The following TAF15 variants were observed in gnomAD, a reference collection of about 807,000 sequenced individuals.
TAF15 encodes the protein TATA-box binding protein associated factor 15.
In TAF15, 37 loss-of-function variants were observed where a neutral mutation model predicts 102.5. That is an observed-to-expected ratio of 0.36 (90% confidence interval 0.28 to 0.47). The LOEUF (loss-of-function observed/expected upper bound fraction) is 0.47, where lower values mean the gene tolerates loss of function less well. Among genes scored for constraint, TAF15 ranks in the 20% least tolerant of loss-of-function variants. TAF15 has a pLI of 0.99. For synonymous variants in TAF15, 273 were observed against 259.2 expected (o/e 1.05, Z -0.51); for missense variants, 652 against 760.7 (o/e 0.86, Z 1.68).
At chr17:35,834,051 G>C (rs1249766602) in intron 8 of TAF15, 110 bp downstream of exon 8, 1 of 1,009,052 alleles carries the variant, frequency 9.9e-7, no homozygotes, top group Non-Finnish European at 1.5e-6. Context: ...GTTGAGGCTG[G>C]TGTGTGTTGT....
chr17:35,824,184 T>C lies in TAF15; in HGVS notation c.591T>C (p.Pro197=), dbSNP rs759419834. 2.1e-5 allele frequency: 34 copies of C among 1,613,058 alleles called. No individual in the cohort carries two copies. The highest frequency in any genetic ancestry group is 2.9e-5 in the Non-Finnish European group (34 of 1,179,944). ...RGGYDKDGRG[P]MTGSSGGDRG... ...GATATGACAAGGATGGAAGAGGTCC[T>C]ATGACAGGATCAAGGTAAGTATGTA... The change falls in exon 7 of 16, where the codon CCT becomes CCC. Residue 197 remains proline, a synonymous_variant. Transcript: ENST00000605844.
intron 1 of TAF15, among the ~76,000 whole-genome samples, chr17:35,814,895 A>T (rs2087177381): frequency 6.6e-6 from 1 of 152,036 alleles, no homozygotes; most frequent in Non-Finnish European, 1.5e-5. Context: ...TATATATATA[A>T]AACCTAAATG....
Position 35,812,949 on chromosome 17 carries a change from G to A in TAF15, c.7+3373G>A, listed in dbSNP as rs1468276292. On this transcript the variant is annotated intron_variant, in intron 1 of 15. Coordinates refer to ENST00000605844, the MANE Select transcript of TAF15 (RefSeq NM_139215.3). ...TCGAGACCAGCCTGGCCACCATGGC[G>A]AAACCCCATCTCTACTAAAAGTATA... 7.2e-5 allele frequency among the ~76,000 whole-genome samples: 11 copies of A among 151,904 alleles called. No homozygotes were observed. In the East Asian group the frequency reaches 1.6e-3, roughly 21 times the overall value.
intron 1 of TAF15, among the ~76,000 whole-genome samples, chr17:35,813,447 A>G (rs757468850): frequency 6.6e-6 from 1 of 152,104 alleles, no homozygotes; most frequent in Admixed American, 6.6e-5. Context: ...CAGCCTGGGC[A>G]ACGTGATGAA....
chr17:35,821,950 A>G (rs1433672371), intron 5 of TAF15, among the ~76,000 whole-genome samples: 1 of 152,218 alleles, frequency 6.6e-6, no homozygotes, highest in Non-Finnish European at 1.5e-5. Context: ...AGAGCCTTTC[A>G]TTGTAACTAT....
Position 35,844,778 on chromosome 17 carries a change from C to T in TAF15, c.1479C>T (p.Gly493=), listed in dbSNP as rs2087598818. ...GCTATGGAGGAGACCGAGGTGGAGG[C>T]TATGGTGGAGACCGAGGAGGCTATG... is the stretch of plus-strand genomic sequence containing the variant. The part of the protein sequence containing the change: ...RGGYGGDRGG[G]YGGDRGGYGG... Residue 493 remains glycine (G), a synonymous_variant, in exon 15 of 16, where the codon GGC becomes GGT. Transcript: ENST00000605844. The T allele has an allele frequency of 1.9e-6, 3 of 1,608,846 alleles. No homozygotes were observed. The highest frequency in any genetic ancestry group is 2.5e-6 in the Non-Finnish European group (3 of 1,178,308).
At position 35,842,467 on chromosome 17, in the gene TAF15, C is replaced by T; in HGVS notation, c.1006+8C>T. 1.2e-6 allele frequency: 2 copies of T among 1,607,386 alleles called. No individual in the cohort carries two copies. Among genetic ancestry groups the T allele is most frequent in the African/African-American group, 1.3e-5 (1 of 74,854 alleles). ...GTGGAGGTGGGCGGCGAGGTAAGAT[C>T]CTTGCTGCGTACAGTCCTGGATACT... is the stretch of plus-strand genomic sequence containing the variant. On this transcript the variant is annotated splice_region_variant and intron_variant, in intron 12 of 15. Transcript: ENST00000605844.
At chr17:35,827,344 A>G (rs2087343110) in intron 7 of TAF15, among the ~76,000 whole-genome samples, 2 of 151,908 alleles carry the variant, frequency 1.3e-5, no homozygotes, top group African/African-American at 4.8e-5. Context: ...GCAAAAAAAA[A>G]AAAAAAAATA....
intron 1 of TAF15, among the ~76,000 whole-genome samples, chr17:35,813,789 A>G (rs1376946908): frequency 6.6e-6 from 1 of 152,318 alleles, no homozygotes; most frequent in Admixed American, 6.5e-5. Context: ...CTAGATTTAA[A>G]CATGAAACAT....
intron 8 of TAF15, 134 bp downstream of exon 8, chr17:35,834,075 A>C (rs2087440073): frequency 3.3e-6 from 2 of 611,950 alleles, no homozygotes; most frequent in Non-Finnish European, 5.4e-6. Flanking sequence ...CTTTAAAAAA[A>C]ATTTTATATA....
chr17:35,810,710 A>C (rs1186836560), intron 1 of TAF15: 1 of 152,228 alleles, frequency 6.6e-6, no homozygotes, highest in East Asian at 1.9e-4. Flanking sequence ...AAAACTAGAC[A>C]AAAAACCCAG....
chr17:35,834,113 G>C (rs996474599), intron 8 of TAF15, among the ~76,000 whole-genome samples, 172 bp downstream of exon 8: 1 of 151,554 alleles, frequency 6.6e-6, no homozygotes, highest in Admixed American at 6.6e-5. Context: ...ATATATCAAA[G>C]TAAACATTAA....
At chr17:35,831,319 A>C (rs1455410404) in intron 7 of TAF15, among the ~76,000 whole-genome samples, 4 of 151,846 alleles carry the variant, frequency 2.6e-5, no homozygotes, top group African/African-American at 7.2e-5. Context: ...AGGCAGGAGA[A>C]TGGCGGGAAC....
At chr17:35,815,675 G>A (rs1277867984) in intron 1 of TAF15, among the ~76,000 whole-genome samples, 1 of 152,148 alleles carries the variant, frequency 6.6e-6, no homozygotes, top group Admixed American at 6.6e-5. Context: ...AAAGCTTCAT[G>A]CATCCACAAA....
Position 35,845,658 on chromosome 17 carries a change from C to T in TAF15, c.1739+620C>T, listed in dbSNP as rs4251789. On this transcript the variant is annotated intron_variant, in intron 15 of 15. Transcript: ENST00000605844. ...CCAAGTAGCTGGGACTATGGGCGCC[C>T]GCCACCACGCCCGGCTAATTTTTTG... 4.7e-3 allele frequency among the ~76,000 whole-genome samples: 716 copies of T among 152,236 alleles called. 10 individuals are homozygous for T. Among genetic ancestry groups the T allele is most frequent in the African/African-American group, 0.016 (665 of 41,558 alleles).
chr17:35,822,984 GT>G, intron 6 of TAF15, 151 bp downstream of exon 6: 1 of 986,026 alleles, frequency 1.0e-6, no homozygotes, highest in Non-Finnish European at 1.6e-6. Context: ...ATCAAAACTA[GT>G]TTATCAGATT....
chr17:35,810,876 G>A (rs181574576), intron 1 of TAF15: 1 of 152,152 alleles, frequency 6.6e-6, no homozygotes, highest in African/African-American at 2.4e-5. Flanking sequence ...GTTTTTGAGG[G>A]GTGCCCATCT....
At chr17:35,810,897 A>G (rs2087117274) in intron 1 of TAF15, 1 of 152,234 alleles carries the variant, frequency 6.6e-6, no homozygotes, top group African/African-American at 2.4e-5. Flanking sequence ...ACTTCATATA[A>G]GAGGCTATAA....
intron 12 of TAF15, among the ~76,000 whole-genome samples, chr17:35,843,786 G>T (rs571596508): frequency 2.0e-5 from 3 of 152,270 alleles, no homozygotes; most frequent in Non-Finnish European, 4.4e-5. Context: ...GACACTTTTG[G>T]TCCCAAGTAT....
Sources: allele counts gnomAD v4.1 joint callset (sites outside exome capture counted in the v4.1 genomes callset), GRCh38; gene constraint gnomAD v4.1.1; transcripts MANE v1.5; gene names NCBI Gene and HGNC (gene_info 2026-07-23, HGNC 2026-07-21).